Variants in CDH6 observed in about 807,000 individuals in gnomAD.
CDH6 encodes the protein cadherin-6.
In CDH6, 31 loss-of-function variants were observed where a neutral mutation model predicts 78.0. The observed-to-expected ratio is 0.40, with a 90% CI of 0.30 to 0.54. The LOEUF is 0.54. Ranked by LOEUF, CDH6 falls within the 20% of genes least tolerant of loss-of-function variation. The probability of loss-of-function intolerance (pLI) is 0.56; values close to 1 mark genes in which losing one functional copy is unlikely to be tolerated. For synonymous variants in CDH6, 376 were observed against 368.8 expected (o/e 1.02, Z -0.23); for missense variants, 724 against 975.9 (o/e 0.74, Z 3.44).
intron 6 of CDH6, 133 bp downstream of exon 6, chr5:31,302,431 T>C: frequency 4.0e-6 from 3 of 742,052 alleles, no homozygotes; most frequent in Non-Finnish European, 6.2e-6. Context: ...TTCAGAAAAA[T>C]GCCAGTTCTG....
intron 11 of CDH6, among the ~76,000 whole-genome samples, chr5:31,321,106 T>G (rs187338597): frequency 1.3e-5 from 2 of 152,308 alleles, no homozygotes; most frequent in East Asian, 3.9e-4. Flanking sequence ...CTTCTAACAA[T>G]TTCCTTATTT....
chr5:31,265,280 T>C (rs1477155978), intron 1 of CDH6, among the ~76,000 whole-genome samples: 2 of 152,200 alleles, frequency 1.3e-5, no homozygotes, highest in Non-Finnish European at 2.9e-5. Context: ...TAATTGATCG[T>C]CAGTCATTCC....
At chr5:31,226,975 G>T in intron 1 of CDH6, among the ~76,000 whole-genome samples, 1 of 152,180 alleles carries the variant, frequency 6.6e-6, no homozygotes. Context: ...GGCTGAGCCT[G>T]TTCCAACCAT....
rs1013533501 is a variant in CDH6 at position 31,242,708 on chromosome 5, G to GA, written c.-128-24638_-128-24637insA. ...TTCTCTACAGAATAAGAATGGGGGGGGGCGGTTAGAAGAAAATATATACCA... is the reference window on the plus strand; with the variant it reads ...TTCTCTACAGAATAAGAATGGGGGGGAGGCGGTTAGAAGAAAATATATACCA... On this transcript the variant is annotated intron_variant, in intron 1 of 11. Coordinates refer to ENST00000265071, the MANE Select transcript of CDH6 (RefSeq NM_004932.4). 2.7e-4 allele frequency among the ~76,000 whole-genome samples: 40 copies of GA among 150,438 alleles called. 1 individual carries two copies. The highest frequency in any genetic ancestry group is 9.3e-4 in the African/African-American group (38 of 40,980).
intron 1 of CDH6, among the ~76,000 whole-genome samples, chr5:31,220,864 A>G (rs1156487316): frequency 6.6e-6 from 1 of 152,150 alleles, no homozygotes; most frequent in Non-Finnish European, 1.5e-5. Flanking sequence ...CAGCATGGGT[A>G]AGGAGTGTAG....
intron 1 of CDH6, among the ~76,000 whole-genome samples, chr5:31,246,193 A>G (rs1222015120): frequency 6.6e-6 from 1 of 151,908 alleles, no homozygotes; most frequent in Non-Finnish European, 1.5e-5. Context: ...TATAGCCATG[A>G]GCCACCGCAC....
chr5:31,272,002 G>A (rs1014526627), intron 2 of CDH6, among the ~76,000 whole-genome samples: 6 of 152,194 alleles, frequency 3.9e-5, no homozygotes, highest in Non-Finnish European at 7.3e-5. Context: ...TGCCAATCGT[G>A]ATAACAGAAT....
chr5:31,302,812 G>GAA (rs1351166550), intron 6 of CDH6, among the ~76,000 whole-genome samples: 17 of 118,168 alleles, frequency 1.4e-4, no homozygotes, highest in Non-Finnish European at 2.9e-4. Flanking sequence ...AAGAAAGAAA[G>GAA]AAAGAAAGAA....
chr5:31,212,743 A>G (rs558918588), intron 1 of CDH6, among the ~76,000 whole-genome samples: 1 of 151,808 alleles, frequency 6.6e-6, no homozygotes, highest in African/African-American at 2.4e-5. Context: ...TCAAAAACTC[A>G]TGGTGTTCAC....
intron 1 of CDH6, among the ~76,000 whole-genome samples, chr5:31,232,615 A>G (rs971196308): frequency 2.0e-5 from 3 of 152,260 alleles, no homozygotes; most frequent in African/African-American, 7.2e-5. Flanking sequence ...TATTCTGAAA[A>G]GAAAGAAAAG....
chr5:31,268,909 G>A (rs924466564), intron 2 of CDH6, among the ~76,000 whole-genome samples: 1 of 152,172 alleles, frequency 6.6e-6, no homozygotes, highest in African/African-American at 2.4e-5. Context: ...GTAGAATAAA[G>A]TAAGAGAGGA....
intron 1 of CDH6, among the ~76,000 whole-genome samples, chr5:31,223,777 C>T (rs1741065100): frequency 6.6e-6 from 1 of 152,054 alleles, no homozygotes; most frequent in South Asian, 2.1e-4. Context: ...TATTTTGATG[C>T]ACCCTTCATT....
chr5:31,194,157 C>T (rs1488454908), intron 1 of CDH6, among the ~76,000 whole-genome samples: 1 of 151,562 alleles, frequency 6.6e-6, no homozygotes, highest in African/African-American at 2.4e-5. Flanking sequence ...ACCGATCCGC[C>T]GTGGGGCTGG....
intron 1 of CDH6, among the ~76,000 whole-genome samples, chr5:31,257,891 T>G (rs765356940): frequency 2.6e-5 from 4 of 152,226 alleles, no homozygotes; most frequent in Non-Finnish European, 5.9e-5. Flanking sequence ...TTGTGGATAT[T>G]ACAGCTAAGA....
At chr5:31,237,868 T>G (rs1418070846) in intron 1 of CDH6, among the ~76,000 whole-genome samples, 1 of 152,238 alleles carries the variant, frequency 6.6e-6, no homozygotes, top group East Asian at 1.9e-4. Flanking sequence ...TTCAACTTCT[T>G]GCAAACTCTG....
In CDH6 at chr5:31,327,539, T is replaced by C. The variant is rs2149964281; in HGVS notation, c.*4231T>C. The C allele has an allele frequency of 5.2e-6, 1 of 193,582 alleles. No homozygotes were observed. The highest frequency in any genetic ancestry group is 1.8e-3 in the Middle Eastern group (1 of 548). The allele number at this position is 193,582 out of a possible 1,614,324, so 12.0% of individuals were successfully genotyped here. ...ACTCAAAAATCCAAGCAGTCTACTG[T>C]GTTTAAATTAACACCACAACCTTCC... On this transcript the variant is annotated 3_prime_UTR_variant, in exon 12 of 12. Coordinates refer to ENST00000265071, the MANE Select transcript of CDH6 (RefSeq NM_004932.4).
At chr5:31,304,702 A>AAAAAAC (rs1561067458) in intron 6 of CDH6, among the ~76,000 whole-genome samples, 1 of 151,440 alleles carries the variant, frequency 6.6e-6, no homozygotes, top group Non-Finnish European at 1.5e-5. Flanking sequence ...AAAAAAAAAA[A>AAAAAAC]AAAGCCAGAT....
At chr5:31,229,705 A>G (rs896442422) in intron 1 of CDH6, among the ~76,000 whole-genome samples, 2 of 152,246 alleles carry the variant, frequency 1.3e-5, no homozygotes, top group Admixed American at 1.3e-4. Flanking sequence ...GAGAAATGCA[A>G]TTGTGGACCA....
At position 31,310,378 on chromosome 5, in the gene CDH6, G is replaced by C. The variant is rs1392236434; in HGVS notation, c.1254-2940G>C. Among the ~76,000 whole-genome samples, 4 of 152,214 alleles carry C rather than the reference G, an allele frequency of 2.6e-5. No individual in the cohort carries two copies. In the East Asian group the frequency reaches 7.7e-4, roughly 29 times the overall value. The stretch of plus-strand genomic sequence containing the variant: ...CAGCTCCATTCCTGTGGCTCTGAAA[G>C]ATACAGCCCCCGAGGCTGCTTTCAT... On this transcript the variant is annotated intron_variant, in intron 7 of 11. Transcript: ENST00000265071.
Sources: gnomAD v4.1 joint callset for allele counts (sites outside exome capture counted in the v4.1 genomes callset) on GRCh38, gnomAD v4.1.1 for gene constraint, MANE v1.5 for transcripts, NCBI Gene and HGNC (gene_info 2026-07-23, HGNC 2026-07-21) for gene names.